Variants in PDE4B observed in about 807,000 individuals in gnomAD.
PDE4B encodes phosphodiesterase 4B.
In PDE4B, 20 loss-of-function variants were observed where a neutral mutation model predicts 82.2. The observed-to-expected ratio is 0.24, with a 90% CI of 0.17 to 0.35. PDE4B has a LOEUF of 0.35. PDE4B is among the 10% of genes least tolerant of loss of function. The probability of loss-of-function intolerance (pLI) is 1.00; values close to 1 mark genes in which losing one functional copy is unlikely to be tolerated. For synonymous variants in PDE4B, 320 were observed against 318.9 expected, an observed-to-expected ratio of 1.00 and a Z score of -0.04; for missense variants, 655 against 907.2, an observed-to-expected ratio of 0.72 and a Z score of 3.57.
At chr1:66,192,517 C>G (rs1647908123) in intron 3 of PDE4B, among the ~76,000 whole-genome samples, 1 of 152,114 alleles carries the variant, frequency 6.6e-6, no homozygotes, top group African/African-American at 2.4e-5. Context: ...TCTTTCACCT[C>G]TTGGCCATGA....
At position 66,336,876 on chromosome 1, in the gene PDE4B, A is replaced by G. The variant is rs952589233; in HGVS notation, c.747+4256A>G. On this transcript the variant is annotated intron_variant, in intron 8 of 16. Coordinates refer to ENST00000341517, the MANE Select transcript of PDE4B (RefSeq NM_002600.4). ...TGGAGCACAAAGGCAACTAATTGCC[A>G]GTGCTCTTGGGTTTGCAGGATAAAG... Among the ~76,000 whole-genome samples the G allele has an allele frequency of 6.6e-5, 10 of 152,346 alleles. No individual in the cohort carries two copies. The East Asian group carries it at 1.9e-3, about 29-fold the overall frequency.
At chr1:66,092,945 C>T (rs974197352) in intron 3 of PDE4B, among the ~76,000 whole-genome samples, 3 of 152,002 alleles carry the variant, frequency 2.0e-5, no homozygotes, top group Non-Finnish European at 4.4e-5. Flanking sequence ...GAGCATTTAG[C>T]AGAAACAATC....
intron 3 of PDE4B, among the ~76,000 whole-genome samples, chr1:66,246,301 C>T (rs1040046342): frequency 7.2e-5 from 11 of 152,118 alleles, no homozygotes; most frequent in African/African-American, 2.7e-4. Context: ...GAAATATAAG[C>T]AAAATCCACC....
At chr1:66,089,713 A>G (rs1176806206) in intron 3 of PDE4B, among the ~76,000 whole-genome samples, 2 of 151,848 alleles carry the variant, frequency 1.3e-5, no homozygotes, top group Non-Finnish European at 2.9e-5. Context: ...TTTGTAAACT[A>G]TTTGTTTTGT....
chr1:66,316,261 C>T (rs1317776314), intron 7 of PDE4B, among the ~76,000 whole-genome samples: 1 of 152,090 alleles, frequency 6.6e-6, no homozygotes, highest in African/African-American at 2.4e-5. Flanking sequence ...ATTAATATTC[C>T]CTTGTTTACT....
chr1:65,932,766 A>G (rs1030718451), intron 3 of PDE4B, among the ~76,000 whole-genome samples: 22 of 152,280 alleles, frequency 1.4e-4, no homozygotes, highest in African/African-American at 5.3e-4. Flanking sequence ...TACCAAAAAG[A>G]ATTTGTAGAG....
chr1:65,869,991 T>C (rs1027128606), intron 1 of PDE4B, among the ~76,000 whole-genome samples: 2 of 152,160 alleles, frequency 1.3e-5, no homozygotes, highest in Non-Finnish European at 2.9e-5. Flanking sequence ...TGAGTGTGGT[T>C]GTGGAAAGGG....
intron 3 of PDE4B, among the ~76,000 whole-genome samples, chr1:66,209,821 T>C (rs1649879305): frequency 6.6e-6 from 1 of 152,242 alleles, no homozygotes; most frequent in Non-Finnish European, 1.5e-5. Flanking sequence ...ATGTAAAGTT[T>C]TGTGAGATTC....
chr1:66,367,633 A>T, intron 13 of PDE4B, 63 bp from the exon 14 acceptor site: 1 of 1,369,310 alleles, frequency 7.3e-7, no homozygotes, highest in Non-Finnish European at 1.0e-6. Context: ...TCACTTTGAG[A>T]TAATGCCAAC....
intron 7 of PDE4B, among the ~76,000 whole-genome samples, chr1:66,276,929 A>G (rs1655918001): frequency 6.6e-6 from 1 of 152,204 alleles, no homozygotes. Flanking sequence ...TTTTACGTAA[A>G]GCATTTAGAA....
intron 3 of PDE4B, among the ~76,000 whole-genome samples, chr1:66,160,967 G>T (rs1204996427): frequency 1.3e-5 from 2 of 152,162 alleles, no homozygotes; most frequent in African/African-American, 4.8e-5. Context: ...TTCCAGATCA[G>T]ACTCCTATCC....
chr1:66,309,645 C>T (rs1232499138), intron 7 of PDE4B, among the ~76,000 whole-genome samples: 1 of 152,090 alleles, frequency 6.6e-6, no homozygotes, highest in Non-Finnish European at 1.5e-5. Context: ...GATGGGAGTA[C>T]AGGCTGTGCC....
At chr1:66,133,603 T>C (rs924214616) in intron 3 of PDE4B, among the ~76,000 whole-genome samples, 4 of 152,204 alleles carry the variant, frequency 2.6e-5, no homozygotes, top group Admixed American at 2.0e-4. Flanking sequence ...GACTTGACCA[T>C]AAGAAGTCTG....
At chr1:66,357,782 A>G (rs954057070) in intron 9 of PDE4B, among the ~76,000 whole-genome samples, 1 of 152,156 alleles carries the variant, frequency 6.6e-6, no homozygotes, top group Non-Finnish European at 1.5e-5. Flanking sequence ...CAAAAGATGC[A>G]TCAGTTGCCT....
chr1:65,892,949 A>G (rs948263065), intron 1 of PDE4B, among the ~76,000 whole-genome samples: 1 of 152,118 alleles, frequency 6.6e-6, no homozygotes, highest in African/African-American at 2.4e-5. Context: ...GTACCTATTG[A>G]AAATAAATAA....
chr1:65,872,957 C>A (rs1414102774), intron 1 of PDE4B, among the ~76,000 whole-genome samples: 1 of 152,114 alleles, frequency 6.6e-6, no homozygotes, highest in Admixed American at 6.6e-5. Flanking sequence ...AGCATTGGAT[C>A]CACATCTTCA....
chr1:66,129,769 G>C (rs1441247538), intron 3 of PDE4B, among the ~76,000 whole-genome samples: 2 of 151,480 alleles, frequency 1.3e-5, no homozygotes, highest in Non-Finnish European at 2.9e-5. Flanking sequence ...AAGATAATAT[G>C]TGTAAAAAGT....
chr1:66,220,790 A>C (rs1440096950), intron 3 of PDE4B, among the ~76,000 whole-genome samples: 1 of 152,088 alleles, frequency 6.6e-6, no homozygotes, highest in Non-Finnish European at 1.5e-5. Flanking sequence ...AATAACATTG[A>C]TTGGAATTGA....
chr1:66,071,428 A>G (rs1656151550), intron 3 of PDE4B, among the ~76,000 whole-genome samples: 1 of 152,138 alleles, frequency 6.6e-6, no homozygotes, highest in Admixed American at 6.6e-5. Flanking sequence ...TGTTGGCTAT[A>G]AATTTGTAGG....
Sources: allele counts gnomAD v4.1 joint callset (sites outside exome capture counted in the v4.1 genomes callset), GRCh38; gene constraint gnomAD v4.1.1; transcripts MANE v1.5; gene names NCBI Gene and HGNC (gene_info 2026-07-23, HGNC 2026-07-21).